Variants in NELL1 observed in about 807,000 individuals in gnomAD.
NELL1 encodes the protein neural EGFL like 1.
NELL1 carries 76 observed loss-of-function variants against 107.4 expected under a neutral mutation model. The ratio of observed to expected loss-of-function variants is 0.71; its 90% CI spans 0.59 to 0.86. The LOEUF is 0.86. Ranked by LOEUF, NELL1 falls within the 40% of genes least tolerant of loss-of-function variation. The pLI is 0.00. For synonymous variants in NELL1, 353 were observed against 341.2 expected (o/e 1.03, Z -0.38); for missense variants, 1,024 against 1,005.5 (o/e 1.02, Z -0.25).
intron 2 of NELL1, among the ~76,000 whole-genome samples, chr11:20,715,541 A>G (rs1366908555): frequency 6.6e-6 from 1 of 152,200 alleles, no homozygotes; most frequent in Non-Finnish European, 1.5e-5. Context: ...CACCTTATGC[A>G]TGTTTCCCCT....
At chr11:21,573,026 T>C (rs1857139093) in intron 18 of NELL1, among the ~76,000 whole-genome samples, 159 bp from the exon 19 acceptor site, 2 of 151,880 alleles carry the variant, frequency 1.3e-5, no homozygotes, top group Admixed American at 6.6e-5. Flanking sequence ...GTGAGACCTG[T>C]AGTAGGTCTT....
At chr11:21,362,319 GT>G (rs1172548860) in intron 14 of NELL1, among the ~76,000 whole-genome samples, 1 of 152,266 alleles carries the variant, frequency 6.6e-6, no homozygotes, top group East Asian at 1.9e-4. Context: ...GGTAGAGGGG[GT>G]CTGCAAAAGT....
At chr11:21,433,250 T>G (rs1853013980) in intron 15 of NELL1, among the ~76,000 whole-genome samples, 1 of 152,196 alleles carries the variant, frequency 6.6e-6, no homozygotes, top group Admixed American at 6.5e-5. Flanking sequence ...TGTGTATATA[T>G]GCCACATTTT....
intron 18 of NELL1, among the ~76,000 whole-genome samples, chr11:21,571,636 A>G (rs72947507): frequency 0.015 from 2,257 of 151,980 alleles, 56 homozygotes; most frequent in African/African-American, 0.05. Flanking sequence ...AAAGGAAAAA[A>G]TGAAGGTTGT....
chr11:20,964,616 T>C (rs1851353811), intron 12 of NELL1, among the ~76,000 whole-genome samples: 1 of 152,326 alleles, frequency 6.6e-6, no homozygotes, highest in Admixed American at 6.5e-5. Flanking sequence ...ATTTCTACTC[T>C]AGAGCTTTCT....
chr11:21,337,815 TC>T (rs1850459404), intron 14 of NELL1, among the ~76,000 whole-genome samples: 5 of 35,488 alleles, frequency 1.4e-4, no homozygotes, highest in Admixed American at 4.3e-4. Flanking sequence ...TTTCTTGCTT[TC>T]CTTCTTTCTT....
At chr11:21,457,239 G>A (rs548352880) in intron 15 of NELL1, among the ~76,000 whole-genome samples, 1 of 152,242 alleles carries the variant, frequency 6.6e-6, no homozygotes, top group Middle Eastern at 3.4e-3. Flanking sequence ...GTGGGTTGGT[G>A]AAATGTGTGG....
chr11:21,425,240 A>G lies in NELL1; in HGVS notation c.1645+54292A>G, dbSNP rs548747195. Among the ~76,000 whole-genome samples the G allele has an allele frequency of 9.9e-5, 15 of 152,240 alleles. No individual in the cohort carries two copies. In the South Asian group the frequency reaches 2.9e-3, roughly 29 times the overall value. ...CCCAAAGTCTTTTGTTGCAGAAAGA[A>G]AAGCCTATCCTAAAATTCATATAGA... On this transcript the variant is annotated intron_variant, in intron 15 of 19. Transcript: ENST00000357134.
At chr11:20,959,583 C>T (rs779351175) in intron 11 of NELL1, among the ~76,000 whole-genome samples, 4 of 152,154 alleles carry the variant, frequency 2.6e-5, no homozygotes, top group Non-Finnish European at 5.9e-5. Flanking sequence ...AACCAACCCT[C>T]ATATGTTCAC....
intron 14 of NELL1, among the ~76,000 whole-genome samples, chr11:21,347,960 C>G (rs893353827): frequency 1.3e-5 from 2 of 152,078 alleles, no homozygotes; most frequent in Admixed American, 6.5e-5. Flanking sequence ...ATCTTAGGAG[C>G]TGGAAAGAGA....
At chr11:21,099,132 GT>G (rs1189010442) in intron 12 of NELL1, among the ~76,000 whole-genome samples, 4 of 151,284 alleles carry the variant, frequency 2.6e-5, no homozygotes, top group Admixed American at 6.6e-5. Flanking sequence ...TAAATTCTGA[GT>G]TTTTTTAAAC....
chr11:21,364,561 G>C (rs1018748251), intron 14 of NELL1, among the ~76,000 whole-genome samples: 2 of 151,940 alleles, frequency 1.3e-5, no homozygotes, highest in African/African-American at 2.4e-5. Context: ...CTTTATAAAT[G>C]ATATAGAATA....
At chr11:21,494,931 T>C (rs534294935) in intron 15 of NELL1, among the ~76,000 whole-genome samples, 1 of 152,264 alleles carries the variant, frequency 6.6e-6, no homozygotes, top group East Asian at 1.9e-4. Context: ...TTTTCATCAC[T>C]TGATCATCCT....
intron 3 of NELL1, among the ~76,000 whole-genome samples, chr11:20,825,904 T>C (rs1857872290): frequency 6.6e-6 from 1 of 151,320 alleles, no homozygotes; most frequent in African/African-American, 2.4e-5. Context: ...TCTTGAATTG[T>C]AATTCCCATG....
rs544726467 is a variant in NELL1 at position 20,681,447 on chromosome 11, T to A, written c.184+3387T>A. On this transcript the variant is annotated intron_variant, in intron 2 of 19. Transcript: ENST00000357134. ...CAATAATATGTCCCTCATTTCCTTT[T>A]ATGTCTTTGCTGGGACCACTTTTAA... Among the ~76,000 whole-genome samples, 19 of 152,254 alleles carry A rather than the reference T, an allele frequency of 1.2e-4. 2 individuals are homozygous for A. The South Asian group carries it at 3.9e-3, about 32-fold the overall frequency.
At chr11:21,029,089 C>T (rs1037083406) in intron 12 of NELL1, among the ~76,000 whole-genome samples, 13 of 151,976 alleles carry the variant, frequency 8.6e-5, no homozygotes, top group Admixed American at 7.2e-4. Context: ...GAGAAGTACA[C>T]AGATTTTTGC....
intron 14 of NELL1, among the ~76,000 whole-genome samples, chr11:21,276,032 T>C (rs1317711565): frequency 6.6e-6 from 1 of 152,142 alleles, no homozygotes; most frequent in Non-Finnish European, 1.5e-5. Flanking sequence ...TTCAACATAG[T>C]ATTGGAAGTT....
At chr11:20,854,791 T>C (rs949265427) in intron 4 of NELL1, among the ~76,000 whole-genome samples, 6 of 152,278 alleles carry the variant, frequency 3.9e-5, no homozygotes, top group Middle Eastern at 3.4e-3. Flanking sequence ...CAGTGCACAG[T>C]AGCAAGCAGA....
intron 13 of NELL1, among the ~76,000 whole-genome samples, chr11:21,115,936 C>A (rs951801944): frequency 6.6e-6 from 1 of 151,744 alleles, no homozygotes; most frequent in African/African-American, 2.4e-5. Context: ...TTTAAAAAGC[C>A]TTCCTTTGAT....
Sources: gnomAD v4.1 joint callset for allele counts (sites outside exome capture counted in the v4.1 genomes callset) on GRCh38, gnomAD v4.1.1 for gene constraint, MANE v1.5 for transcripts, NCBI Gene and HGNC (gene_info 2026-07-23, HGNC 2026-07-21) for gene names.